ASIC2: variants seen among roughly 807,000 people sequenced by gnomAD.
The protein encoded by ASIC2 is acid-sensing ion channel 2.
ASIC2 carries 25 observed loss-of-function variants against 57.3 expected under a neutral mutation model. That is an observed-to-expected ratio of 0.44 (90% confidence interval 0.32 to 0.61). The LOEUF is 0.61. Ranked by LOEUF, ASIC2 falls within the 20% of genes least tolerant of loss-of-function variation. The pLI, the probability that ASIC2 is intolerant of heterozygous loss-of-function variation, is 0.06. For missense variants in ASIC2, 641 were observed against 738.1 expected (o/e 0.87, Z 1.52); for synonymous variants, 319 against 307.5 (o/e 1.04, Z -0.39).
intron 1 of ASIC2, among the ~76,000 whole-genome samples, chr17:33,855,423 A>T (rs549339942): frequency 2.0e-5 from 3 of 152,198 alleles, no homozygotes; most frequent in African/African-American, 7.2e-5. Context: ...ACATAAATTC[A>T]GGTATAGTAA....
intron 1 of ASIC2, among the ~76,000 whole-genome samples, chr17:33,467,379 A>G (rs931508366): frequency 6.6e-6 from 1 of 152,214 alleles, no homozygotes; most frequent in Admixed American, 6.5e-5. Flanking sequence ...GGTTATGTAA[A>G]CCAAAAATAA....
Position 33,423,523 on chromosome 17 carries a change from T to C in ASIC2, c.556-311456A>G, listed in dbSNP as rs572736119. ...ATGGAGCTTTTTGTGATCAACATTA[T>C]TACTATTTGTGTTCAGACTTAGCTT... On this transcript the variant is annotated intron_variant, in intron 1 of 9. Coordinates refer to the ASIC2 transcript ENST00000359872. 3.4e-4 allele frequency among the ~76,000 whole-genome samples: 52 copies of C among 152,334 alleles called. No individual in the cohort carries two copies. The Middle Eastern group carries it at 0.01, about 30-fold the overall frequency.
chr17:33,761,253 A>G (rs1350684367), intron 1 of ASIC2, among the ~76,000 whole-genome samples: 8 of 152,136 alleles, frequency 5.3e-5, no homozygotes, highest in African/African-American at 1.9e-4. Context: ...TGTTGGATGG[A>G]TTGAGTAATT....
intron 1 of ASIC2, among the ~76,000 whole-genome samples, chr17:33,603,536 C>G (rs1905158012): frequency 6.6e-6 from 1 of 152,058 alleles, no homozygotes; most frequent in African/African-American, 2.4e-5. Context: ...GAGAGAGAAA[C>G]AGACAAGAGA....
intron 1 of ASIC2, among the ~76,000 whole-genome samples, chr17:33,641,589 T>A (rs1209835364): frequency 6.6e-6 from 1 of 152,232 alleles, no homozygotes; most frequent in Non-Finnish European, 1.5e-5. Context: ...AGATCATGTA[T>A]GGACACATGC....
At chr17:33,461,395 C>G (rs1232225388) in intron 1 of ASIC2, among the ~76,000 whole-genome samples, 5 of 152,136 alleles carry the variant, frequency 3.3e-5, no homozygotes, top group Non-Finnish European at 7.4e-5. Context: ...GCATATTCTC[C>G]AAATTCTCCA....
chr17:34,122,615 G>T (rs748170180), intron 1 of ASIC2, among the ~76,000 whole-genome samples: 21 of 152,212 alleles, frequency 1.4e-4, no homozygotes, highest in Non-Finnish European at 2.6e-4. Context: ...GGGCAAAAGA[G>T]GAGCTATTTT....
chr17:33,953,553 C>T (rs1471725465), intron 1 of ASIC2, among the ~76,000 whole-genome samples: 1 of 145,566 alleles, frequency 6.9e-6, no homozygotes, highest in Non-Finnish European at 1.5e-5. Flanking sequence ...TGCTTGCTCT[C>T]CTCCAGCTGT....
intron 1 of ASIC2, among the ~76,000 whole-genome samples, chr17:34,052,176 A>G (rs187126491): frequency 2.0e-5 from 3 of 152,198 alleles, no homozygotes; most frequent in African/African-American, 7.2e-5. Flanking sequence ...CCTCATTACA[A>G]GATGAAAAAT....
intron 1 of ASIC2, among the ~76,000 whole-genome samples, chr17:33,692,876 C>T (rs1428987477): frequency 1.3e-5 from 2 of 152,156 alleles, no homozygotes; most frequent in Non-Finnish European, 1.5e-5. Context: ...ATATATTGTC[C>T]ATTGTTGACC....
intron 1 of ASIC2, among the ~76,000 whole-genome samples, chr17:33,203,025 G>T (rs992015895): frequency 6.6e-6 from 1 of 152,200 alleles, no homozygotes; most frequent in Non-Finnish European, 1.5e-5. Flanking sequence ...TTGATTCAGC[G>T]AGAAAGGTGG....
intron 1 of ASIC2, among the ~76,000 whole-genome samples, chr17:33,484,460 C>G (rs1036958055): frequency 6.6e-6 from 1 of 152,066 alleles, no homozygotes; most frequent in East Asian, 1.9e-4. Context: ...GTCTAGTAGC[C>G]ACATGAAAAA....
intron 1 of ASIC2, among the ~76,000 whole-genome samples, chr17:33,823,057 A>G (rs1024837732): frequency 6.6e-6 from 1 of 152,198 alleles, no homozygotes. Flanking sequence ...TCTGGACTCT[A>G]CTAGTGACTT....
intron 1 of ASIC2, among the ~76,000 whole-genome samples, chr17:33,387,251 C>G (rs1172641282): frequency 6.6e-6 from 1 of 152,156 alleles, no homozygotes; most frequent in Non-Finnish European, 1.5e-5. Flanking sequence ...TCTTCTATCT[C>G]CATTTTATAG....
chr17:34,022,873 G>C (rs1907231247), intron 1 of ASIC2, among the ~76,000 whole-genome samples: 3 of 152,196 alleles, frequency 2.0e-5, no homozygotes, highest in Admixed American at 2.0e-4. Context: ...CAGTGTTGGA[G>C]GAGGGTCCTG....
intron 1 of ASIC2, among the ~76,000 whole-genome samples, chr17:33,522,012 A>G (rs1914756394): frequency 6.6e-6 from 1 of 152,170 alleles, no homozygotes; most frequent in East Asian, 1.9e-4. Context: ...TGCCTGGCCT[A>G]TGGGATAGCT....
In ASIC2 at chr17:33,055,919, T is replaced by C. The variant is rs1219414572; in HGVS notation, c.988-27527A>G. 3.9e-5 allele frequency among the ~76,000 whole-genome samples: 6 copies of C among 152,220 alleles called. No homozygotes were observed. In the East Asian group the frequency reaches 1.2e-3, roughly 29 times the overall value. On this transcript the variant is annotated intron_variant, in intron 3 of 9. Coordinates refer to ENST00000225823, the MANE Select transcript of ASIC2 (RefSeq NM_183377.2). Reference sequence around the variant, plus strand: ...AACCGCACTCTGCGTCAGAATCACCTGGGAATACTTTTATAAATCACAGAA... The same window carrying C: ...AACCGCACTCTGCGTCAGAATCACCCGGGAATACTTTTATAAATCACAGAA...
chr17:33,579,120 A>C (rs552442770), intron 1 of ASIC2, among the ~76,000 whole-genome samples: 13 of 151,986 alleles, frequency 8.6e-5, no homozygotes, highest in Non-Finnish European at 1.5e-4. Flanking sequence ...CCCCGTCTCT[A>C]CTAAAAATAT....
chr17:33,417,653 C>T (rs968707543), intron 1 of ASIC2, among the ~76,000 whole-genome samples: 2 of 152,136 alleles, frequency 1.3e-5, no homozygotes, highest in South Asian at 4.1e-4. Context: ...TTTCCTTTGC[C>T]ATGCTGGTTG....
Sources: allele counts gnomAD v4.1 joint callset (sites outside exome capture counted in the v4.1 genomes callset), GRCh38; gene constraint gnomAD v4.1.1; transcripts MANE v1.5; gene names NCBI Gene and HGNC (gene_info 2026-07-23, HGNC 2026-07-21).